The following SVBP variants were observed in gnomAD, a reference collection of about 807,000 sequenced individuals.
SVBP encodes small vasohibin binding protein, also known as small vasohibin-binding protein.
In SVBP, 9 loss-of-function variants were observed where a neutral mutation model predicts 9.2. That is an observed-to-expected ratio of 0.98 (90% CI 0.59 to 1.71). The LOEUF is 1.71. SVBP is among the 40% of genes most tolerant of loss of function. The probability of loss-of-function intolerance (pLI) is 0.00; values close to 1 mark genes in which losing one functional copy is unlikely to be tolerated. For synonymous variants in SVBP, 27 were observed against 23.9 expected, an observed-to-expected ratio of 1.13 and a Z score of -0.37; for missense variants, 63 against 73.2, an observed-to-expected ratio of 0.86 and a Z score of 0.51.
chr1:42,810,389 G>T (rs1203371806), intron 2 of SVBP, among the ~76,000 whole-genome samples: 4 of 152,032 alleles, frequency 2.6e-5, no homozygotes, highest in Non-Finnish European at 5.9e-5. Flanking sequence ...CTCGTGATCT[G>T]CCCACCTTGG....
In SVBP at chr1:42,807,412, C is replaced by T; in HGVS notation, c.*2G>A. The T allele has an allele frequency of 1.2e-6, 2 of 1,611,828 alleles. No individual in the cohort carries two copies. Among genetic ancestry groups the T allele is most frequent in the Non-Finnish European group, 1.7e-6 (2 of 1,178,136 alleles). ...GATCCCATCTGGTTTGAACCTGGGGCCTCATTCTCCAGGAGGCTGCATCTG... is the reference window on the plus strand; with the variant it reads ...GATCCCATCTGGTTTGAACCTGGGGTCTCATTCTCCAGGAGGCTGCATCTG... On this transcript the variant is annotated 3_prime_UTR_variant, in exon 3 of 3. Coordinates refer to ENST00000372521, the MANE Select transcript of SVBP (RefSeq NM_199342.4).
At chr1:42,812,815 A>G (rs766908430) in intron 2 of SVBP, among the ~76,000 whole-genome samples, 1 of 152,242 alleles carries the variant, frequency 6.6e-6, no homozygotes, top group Non-Finnish European at 1.5e-5. Context: ...GTTTGTATTT[A>G]TAAGAAACTG....
chr1:42,813,242 A>C (rs1557599237), intron 2 of SVBP, among the ~76,000 whole-genome samples: 1 of 152,236 alleles, frequency 6.6e-6, no homozygotes, highest in Non-Finnish European at 1.5e-5. Context: ...TTTCAAAATG[A>C]TGGTCAAGAA....
intron 2 of SVBP, among the ~76,000 whole-genome samples, chr1:42,815,816 G>T (rs1248246336): frequency 6.6e-6 from 1 of 152,122 alleles, no homozygotes. Flanking sequence ...AAAAGTAGTT[G>T]TCCATGGAGA....
chr1:42,811,478 T>C (rs1472471101), intron 2 of SVBP, among the ~76,000 whole-genome samples: 1 of 152,146 alleles, frequency 6.6e-6, no homozygotes, highest in East Asian at 1.9e-4. Context: ...AGCTGCTGCT[T>C]GAGTGCAGCA....
rs889023702 is a variant in SVBP at position 42,808,560 on chromosome 1, T to G, written c.115-1060A>C. ...CTTGGCCTCCCAAAGTATATACTAT[T>G]AATAGTATATATACTATATAGTATA... On this transcript the variant is annotated intron_variant, in intron 2 of 2. Coordinates refer to ENST00000372521, the MANE Select transcript of SVBP (RefSeq NM_199342.4). 4.8e-5 allele frequency among the ~76,000 whole-genome samples: 7 copies of G among 145,918 alleles called. No homozygotes were observed. In the South Asian group the frequency reaches 1.5e-3, roughly 31 times the overall value.
chr1:42,816,157 T>G (rs2124256879), intron 2 of SVBP: 1 of 381,284 alleles, frequency 2.6e-6, no homozygotes, highest in Admixed American at 4.6e-5. Flanking sequence ...TTCTTTCCCC[T>G]TACATATCAT....
chr1:42,812,156 A>G (rs1654096755), intron 2 of SVBP, among the ~76,000 whole-genome samples: 1 of 152,142 alleles, frequency 6.6e-6, no homozygotes, highest in Admixed American at 6.5e-5. Flanking sequence ...TATCTTTTTT[A>G]ACACTCCACA....
At chr1:42,814,517 G>A (rs1255968916) in intron 2 of SVBP, among the ~76,000 whole-genome samples, 3 of 152,050 alleles carry the variant, frequency 2.0e-5, no homozygotes, top group Non-Finnish European at 2.9e-5. Context: ...TCTGGAGGCC[G>A]AGGCAGGAGA....
chr1:42,810,303 G>A (rs323717), intron 2 of SVBP, among the ~76,000 whole-genome samples: 99,294 of 151,756 alleles, frequency 0.65, 32,836 homozygotes, highest in South Asian at 0.82. Flanking sequence ...GTGCACCACC[G>A]TGCCTGGCTA....
At chr1:42,816,166 A>AT (rs771407593) in intron 2 of SVBP, 36 of 398,546 alleles carry the variant, frequency 9.0e-5, no homozygotes, top group Non-Finnish European at 1.2e-4. Context: ...CTTACATATC[A>AT]TTTTTTTTCC....
Position 42,817,294 on chromosome 1 carries a change from C to T in SVBP, c.-141G>A. Reference sequence around the variant, plus strand: ...CCCCGACCACTGGACCCAGCGCTGCCTGCCCACCGCCCCTCGTCCTGGGCG... The same window carrying T: ...CCCCGACCACTGGACCCAGCGCTGCTTGCCCACCGCCCCTCGTCCTGGGCG... On this transcript the variant is annotated 5_prime_UTR_variant, in exon 1 of 3. Coordinates refer to ENST00000372521, the MANE Select transcript of SVBP (RefSeq NM_199342.4). 1.7e-6 allele frequency: 2 copies of T among 1,206,064 alleles called. No homozygotes were observed. The highest frequency in any genetic ancestry group is 1.6e-5 in the African/African-American group (1 of 61,106). 74.7% of individuals were successfully genotyped at this position (1,206,064 alleles called of 1,614,324 possible).
At position 42,810,157 on chromosome 1, in the gene SVBP, TA is replaced by T. The variant is rs764024739; in HGVS notation, c.115-2658del. Among the ~76,000 whole-genome samples the T allele has an allele frequency of 3.0e-4, 45 of 148,374 alleles. 1 individual carries two copies. The highest frequency in any genetic ancestry group is 3.4e-3 in the Middle Eastern group (1 of 294). On this transcript the variant is annotated intron_variant, in intron 2 of 2. Transcript: ENST00000372521. ...ACACACACACACACACACACACATA[TA>T]TTTTTTTTGTGAGCAGAGTCTTGCT... is the stretch of plus-strand genomic sequence containing the variant.
At position 42,815,605 on chromosome 1, in the gene SVBP, G is replaced by A. The variant is rs572360290; in HGVS notation, c.114+826C>T. Among the ~76,000 whole-genome samples, 8 of 152,002 alleles carry A rather than the reference G, an allele frequency of 5.3e-5. No homozygotes were observed. The South Asian group carries it at 1.7e-3, about 32-fold the overall frequency. ...CTGTAAGAATGAATAAATATACTAA[G>A]TAAAATGGATGCATAAAATAGACTA... is the stretch of plus-strand genomic sequence containing the variant. On this transcript the variant is annotated intron_variant, in intron 2 of 2. Transcript: ENST00000372521.
intron 2 of SVBP, among the ~76,000 whole-genome samples, chr1:42,808,141 GTGTGTGTGTATATATATATATATA>G (rs1184528819): frequency 2.4e-5 from 1 of 41,682 alleles, no homozygotes; most frequent in African/African-American, 1.2e-4. Context: ...TATAGTGTGT[GTGTGTGTGTATATATATATATATA>G]TATATATATA....
chr1:42,807,592 A>T, intron 2 of SVBP, 92 bp from the exon 3 acceptor site: 1 of 940,366 alleles, frequency 1.1e-6, no homozygotes, highest in South Asian at 1.3e-5. Flanking sequence ...TGAAAATACC[A>T]GAATTTCACC....
intron 2 of SVBP, among the ~76,000 whole-genome samples, chr1:42,808,054 C>A (rs1234662363): frequency 6.7e-6 from 1 of 149,676 alleles, no homozygotes; most frequent in African/African-American, 2.5e-5. Context: ...TCTTAAATGT[C>A]ATGCCAAGGA....
intron 2 of SVBP, chr1:42,813,401 C>A (rs1197078834): frequency 1.3e-5 from 7 of 550,682 alleles, no homozygotes; most frequent in Non-Finnish European, 2.5e-5. Flanking sequence ...ACACCATCTA[C>A]CTGAGCCAGG....
chr1:42,807,590 C>T, intron 2 of SVBP, 90 bp from the exon 3 acceptor site: 1 of 969,592 alleles, frequency 1.0e-6, no homozygotes, highest in Non-Finnish European at 1.6e-6. Flanking sequence ...TCTGAAAATA[C>T]CAGAATTTCA....
Sources: allele counts gnomAD v4.1 joint callset (sites outside exome capture counted in the v4.1 genomes callset), GRCh38; gene constraint gnomAD v4.1.1; transcripts MANE v1.5; gene names NCBI Gene and HGNC (gene_info 2026-07-23, HGNC 2026-07-21).